Variants in SYNPO2 observed in about 807,000 individuals in gnomAD.
SYNPO2 encodes the protein synaptopodin-2.
SYNPO2 carries 56 observed loss-of-function variants against 85.0 expected under a neutral mutation model. The ratio of observed to expected loss-of-function variants is 0.66; its 90% CI spans 0.53 to 0.82. SYNPO2 has a LOEUF of 0.82. Ranked by LOEUF, SYNPO2 falls within the 40% of genes least tolerant of loss-of-function variation. SYNPO2 has a pLI of 0.00. For synonymous variants in SYNPO2, 602 were observed against 591.1 expected (o/e 1.02, Z -0.27); for missense variants, 1,575 against 1,534.2 (o/e 1.03, Z -0.44).
chr4:119,048,916 A>G (rs925531567), intron 4 of SYNPO2, among the ~76,000 whole-genome samples: 1 of 152,230 alleles, frequency 6.6e-6, no homozygotes, highest in African/African-American at 2.4e-5. Flanking sequence ...CAGTAGACTG[A>G]ATAACATAAT....
upstream of SYNPO2, among the ~76,000 whole-genome samples, chr4:118,888,418 A>G (rs1283198230): frequency 1.3e-5 from 2 of 152,200 alleles, no homozygotes; most frequent in African/African-American, 4.8e-5. Flanking sequence ...ATGCAGACAG[A>G]AAAGTAGTAA....
intron 1 of SYNPO2, among the ~76,000 whole-genome samples, chr4:118,923,252 A>G (rs1387203212): frequency 6.6e-6 from 1 of 152,116 alleles, no homozygotes; most frequent in Non-Finnish European, 1.5e-5. Flanking sequence ...AGCCACATGG[A>G]TGGAGCTGGA....
At chr4:118,860,663 C>A (rs891016804) in intron 1 of SYNPO2, among the ~76,000 whole-genome samples, 2 of 151,710 alleles carry the variant, frequency 1.3e-5, no homozygotes, top group Non-Finnish European at 2.9e-5. Flanking sequence ...TCAAGAAATC[C>A]CCCTGCTTCA....
intron 1 of SYNPO2, among the ~76,000 whole-genome samples, chr4:118,896,994 A>T (rs1205637295): frequency 6.6e-6 from 1 of 152,142 alleles, no homozygotes; most frequent in Non-Finnish European, 1.5e-5. Flanking sequence ...TTTCCTGAAC[A>T]GAATTATGGA....
At chr4:119,033,423 A>C in intron 4 of SYNPO2, 1 of 985,470 alleles carries the variant, frequency 1.0e-6, no homozygotes, top group Non-Finnish European at 1.2e-6. Context: ...TATGAAGTGA[A>C]TAATGGTACT....
intron 3 of SYNPO2, among the ~76,000 whole-genome samples, chr4:119,027,652 A>AT (rs1475887841): frequency 1.3e-5 from 2 of 152,150 alleles, no homozygotes; most frequent in Admixed American, 6.5e-5. Context: ...AGATTTAAAC[A>AT]TTTTTCATGA....
At chr4:118,939,134 C>T (rs1414612248) in intron 1 of SYNPO2, among the ~76,000 whole-genome samples, 1 of 152,190 alleles carries the variant, frequency 6.6e-6, no homozygotes, top group Non-Finnish European at 1.5e-5. Flanking sequence ...TGCATACTCT[C>T]CTTGACAACA....
chr4:118,961,533 T>C (rs1033890280), intron 1 of SYNPO2, among the ~76,000 whole-genome samples: 9 of 152,350 alleles, frequency 5.9e-5, no homozygotes, highest in Admixed American at 1.3e-4. Flanking sequence ...AAGAGAGGCA[T>C]TCTCCAACGA....
chr4:119,021,744 T>C (rs1202531310), intron 1 of SYNPO2, among the ~76,000 whole-genome samples: 1 of 152,146 alleles, frequency 6.6e-6, no homozygotes, highest in African/African-American at 2.4e-5. Context: ...AGGAAACTAT[T>C]ATCACTCATA....
intron 1 of SYNPO2, among the ~76,000 whole-genome samples, chr4:118,922,872 T>C (rs370041165): frequency 6.6e-6 from 1 of 152,270 alleles, no homozygotes; most frequent in South Asian, 2.1e-4. Flanking sequence ...TGTTAAAAAA[T>C]AAAATCTTTT....
chr4:118,988,692 G>A (rs989797435), intron 1 of SYNPO2, among the ~76,000 whole-genome samples: 1 of 152,156 alleles, frequency 6.6e-6, no homozygotes, highest in Non-Finnish European at 1.5e-5. Context: ...ACATTATGAT[G>A]AGGAGTTTCA....
At chr4:118,942,294 A>T (rs1483383822) in intron 1 of SYNPO2, among the ~76,000 whole-genome samples, 2 of 152,120 alleles carry the variant, frequency 1.3e-5, no homozygotes, top group African/African-American at 4.8e-5. Context: ...CATGTCCCAA[A>T]CTTGCTATGT....
chr4:118,958,836 T>C (rs895786973), intron 1 of SYNPO2, among the ~76,000 whole-genome samples: 1 of 152,210 alleles, frequency 6.6e-6, no homozygotes, highest in African/African-American at 2.4e-5. Flanking sequence ...CGTTAAGTTC[T>C]ATGGTGCCCT....
intron 1 of SYNPO2, among the ~76,000 whole-genome samples, chr4:118,981,168 A>G (rs957351436): frequency 1.3e-5 from 2 of 152,214 alleles, no homozygotes; most frequent in Non-Finnish European, 1.5e-5. Flanking sequence ...AAATCACCCA[A>G]AGTACCACAA....
At chr4:118,931,442 A>G (rs1733930888) in intron 1 of SYNPO2, among the ~76,000 whole-genome samples, 1 of 152,236 alleles carries the variant, frequency 6.6e-6, no homozygotes, top group Admixed American at 6.5e-5. Flanking sequence ...ACTGAAAATT[A>G]CAAATTGATA....
chr4:119,015,480 T>C (rs1274782996), intron 1 of SYNPO2, among the ~76,000 whole-genome samples: 1 of 152,158 alleles, frequency 6.6e-6, no homozygotes, highest in African/African-American at 2.4e-5. Flanking sequence ...GGTATATTTG[T>C]TGGGTACATG....
chr4:119,026,826 G>T lies in SYNPO2; in HGVS notation c.457G>T (p.Ala153Ser). The change falls in exon 3 of 5, where the codon GCA becomes TCA. Residue 153 changes from alanine (A) to serine (S), a missense_variant. Transcript: ENST00000307142. ...AENQRSGPDC[A>S]GSLKEETGPS... The stretch of plus-strand genomic sequence containing the variant: ...GAACCAAAGAAGTGGTCCCGACTGT[G>T]CAGGCAGCTTGAAAGAAGAAACAGG... The T allele has an allele frequency of 2.5e-6, 4 of 1,614,066 alleles. No individual in the cohort carries two copies. The highest frequency in any genetic ancestry group is 3.4e-6 in the Non-Finnish European group (4 of 1,179,986).
At chr4:118,964,511 A>C (rs1034549604) in intron 1 of SYNPO2, among the ~76,000 whole-genome samples, 3 of 150,740 alleles carry the variant, frequency 2.0e-5, no homozygotes, top group African/African-American at 2.4e-5. Flanking sequence ...AAAAAAAAAA[A>C]CAATTAAAAA....
At chr4:118,915,361 T>C (rs1171131312) in intron 1 of SYNPO2, among the ~76,000 whole-genome samples, 1 of 152,170 alleles carries the variant, frequency 6.6e-6, no homozygotes, top group East Asian at 1.9e-4. Context: ...TCTTTTTATA[T>C]AGTTTTATTG....
Sources: gnomAD v4.1 joint callset for allele counts (sites outside exome capture counted in the v4.1 genomes callset) on GRCh38, gnomAD v4.1.1 for gene constraint, MANE v1.5 for transcripts, NCBI Gene and HGNC (gene_info 2026-07-23, HGNC 2026-07-21) for gene names.